Variants in FAXC observed in about 807,000 individuals in gnomAD.
FAXC encodes the protein failed axon connections homolog.
FAXC carries 10 observed loss-of-function variants against 41.9 expected under a neutral mutation model. The ratio of observed to expected loss-of-function variants is 0.24; its 90% CI spans 0.15 to 0.41. The LOEUF (loss-of-function observed/expected upper bound fraction) is 0.41. Among genes scored for constraint, FAXC ranks in the 10% least tolerant of loss-of-function variants. FAXC has a pLI of 1.00. For synonymous variants in FAXC, 183 were observed against 183.8 expected, an observed-to-expected ratio of 1.00 and a Z score of 0.03; for missense variants, 399 against 510.9, an observed-to-expected ratio of 0.78 and a Z score of 2.11.
chr6:99,340,855 G>C (rs933137998), intron 2 of FAXC, among the ~76,000 whole-genome samples: 1 of 151,930 alleles, frequency 6.6e-6, no homozygotes, highest in Non-Finnish European at 1.5e-5. Context: ...TTTTAATAGA[G>C]ATGGGGTTTC....
intron 5 of FAXC, among the ~76,000 whole-genome samples, chr6:99,284,417 G>C (rs1048520003): frequency 6.6e-6 from 1 of 152,132 alleles, no homozygotes; most frequent in Non-Finnish European, 1.5e-5. Flanking sequence ...ACAGAGAGTG[G>C]ACATCTATAG....
At chr6:99,314,689 T>G (rs1035389115) in intron 4 of FAXC, among the ~76,000 whole-genome samples, 5 of 152,220 alleles carry the variant, frequency 3.3e-5, no homozygotes, top group African/African-American at 1.2e-4. Flanking sequence ...GATTTATTTA[T>G]GTTACACATA....
rs1198684904 is a variant in FAXC at position 99,274,719 on chromosome 6, A to G, written c.*6445T>C. On this transcript the variant is annotated 3_prime_UTR_variant, in exon 6 of 6. Coordinates refer to ENST00000389677, the MANE Select transcript of FAXC (RefSeq NM_032511.4). ...AACATGTCACCCCTACTGAAGCAGA[A>G]GCCTTTAGCCTTATTTCTGTAAAAA... 6.6e-6 allele frequency: 1 copy of G among 152,242 alleles called. No homozygotes were observed. Among genetic ancestry groups the G allele is most frequent in the Non-Finnish European group, 1.5e-5 (1 of 68,038 alleles). The allele number at this position is 152,242 out of a possible 1,614,324, so 9.4% of individuals were successfully genotyped here. A position where few individuals can be genotyped will look rare whatever the true frequency, so the allele number is the denominator to read the frequency against.
At chr6:99,283,005 C>T (rs1582611870) in intron 5 of FAXC, among the ~76,000 whole-genome samples, 1 of 152,182 alleles carries the variant, frequency 6.6e-6, no homozygotes, top group Non-Finnish European at 1.5e-5. Context: ...GAATGTCACA[C>T]TCTGATCACA....
Position 99,277,196 on chromosome 6 carries a change from CA to C in FAXC, c.*3967del, listed in dbSNP as rs1235820618. 10 of 152,276 alleles carry C rather than the reference CA, an allele frequency of 6.6e-5. No individual in the cohort carries two copies. The highest frequency in any genetic ancestry group is 2.2e-4 in the African/African-American group (9 of 41,436). The allele number at this position is 152,276 out of a possible 1,614,324, so 9.4% of individuals were successfully genotyped here. A position where few individuals can be genotyped will look rare whatever the true frequency, so the allele number is the denominator to read the frequency against. On this transcript the variant is annotated 3_prime_UTR_variant, in exon 6 of 6. Coordinates refer to ENST00000389677, the MANE Select transcript of FAXC (RefSeq NM_032511.4). ...GGAGGAGCTATGGAGACAAGGTGAA[CA>C]AAGGTGAAAACACCAGACCCTAAGG...
rs1263577524 is a variant in FAXC at position 99,293,692 on chromosome 6, GTGTGTGTGTGTGTGTGTGTGTC to G, written c.824-1894_824-1873del. On this transcript the variant is annotated intron_variant, in intron 4 of 5. Transcript: ENST00000389677. ...TGTGTGTGTGTGTGTGTGTGTGTGT[GTGTGTGTGTGTGTGTGTGTGTC>G]TGTGTGTGTGTGTGTGTGTGTGCAT... 2.2e-4 allele frequency among the ~76,000 whole-genome samples: 30 copies of G among 138,966 alleles called. 1 individual carries two copies. The highest frequency in any genetic ancestry group is 8.0e-4 in the African/African-American group (30 of 37,716). The allele number at this position is 138,966 out of a possible 152,430, so 91.2% of individuals were successfully genotyped here. A position where few individuals can be genotyped will look rare whatever the true frequency, so the allele number is the denominator to read the frequency against.
intron 2 of FAXC, among the ~76,000 whole-genome samples, chr6:99,340,666 CTTTT>C (rs61071426): frequency 0.013 from 1,268 of 96,930 alleles, 24 homozygotes; most frequent in Admixed American, 0.06. Flanking sequence ...GCTAAAATTC[CTTTT>C]TTTTTTTTTT....
intron 2 of FAXC, among the ~76,000 whole-genome samples, chr6:99,341,125 TA>T (rs1356776524): frequency 6.6e-6 from 1 of 152,118 alleles, no homozygotes; most frequent in Non-Finnish European, 1.5e-5. Flanking sequence ...TTAATAAGCA[TA>T]AACACAAATT....
chr6:99,320,635 A>G (rs1049862748), intron 4 of FAXC, among the ~76,000 whole-genome samples: 1 of 152,166 alleles, frequency 6.6e-6, no homozygotes, highest in African/African-American at 2.4e-5. Context: ...CTGTATTATA[A>G]AGTATACATC....
chr6:99,293,665 AGTGTGTGTGTGT>A lies in FAXC; in HGVS notation c.824-1857_824-1846del, dbSNP rs55827992. The stretch of plus-strand genomic sequence containing the variant: ...ATTTTTCCCATAATGCTCTATACAC[AGTGTGTGTGTGT>A]GTGTGTGTGTGTGTGTGTGTGTGTG... On this transcript the variant is annotated intron_variant, in intron 4 of 5. Coordinates refer to ENST00000389677, the MANE Select transcript of FAXC (RefSeq NM_032511.4). Among the ~76,000 whole-genome samples the A allele has an allele frequency of 3.9e-3, 480 of 123,272 alleles. 2 individuals carry two copies. The highest frequency in any genetic ancestry group is 7.4e-3 in the East Asian group (34 of 4,610). 80.9% of individuals were successfully genotyped at this position (123,272 alleles called of 152,430 possible).
chr6:99,323,975 C>G (rs985095020), intron 3 of FAXC, among the ~76,000 whole-genome samples: 1 of 152,078 alleles, frequency 6.6e-6, no homozygotes, highest in Non-Finnish European at 1.5e-5. Flanking sequence ...CACAACCCCA[C>G]AGAAAACAAG....
At chr6:99,316,164 C>CA (rs1017766661) in intron 4 of FAXC, among the ~76,000 whole-genome samples, 1 of 151,676 alleles carries the variant, frequency 6.6e-6, no homozygotes, top group African/African-American at 2.4e-5. Context: ...CTCGCCCCCC[C>CA]CCACCCACAA....
At chr6:99,314,893 A>C (rs1772281581) in intron 4 of FAXC, among the ~76,000 whole-genome samples, 1 of 152,032 alleles carries the variant, frequency 6.6e-6, no homozygotes, top group African/African-American at 2.4e-5. Flanking sequence ...CCACACCTAC[A>C]TACATGCCTG....
At chr6:99,295,483 T>C (rs1582630497) in intron 4 of FAXC, among the ~76,000 whole-genome samples, 1 of 152,056 alleles carries the variant, frequency 6.6e-6, no homozygotes, top group Non-Finnish European at 1.5e-5. Context: ...AAGGCCTGAA[T>C]AGAACAAAAA....
In FAXC at chr6:99,279,768, G is replaced by A. The variant is rs1329378239; in HGVS notation, c.*1396C>T. On this transcript the variant is annotated 3_prime_UTR_variant, in exon 6 of 6. Transcript: ENST00000389677. ...GTTCATCGAATACTATAGGGAAAGA[G>A]AGAGAGAACGGGGATGAGACAGCAA... is the stretch of plus-strand genomic sequence containing the variant. 2 of 152,346 alleles carry A rather than the reference G, an allele frequency of 1.3e-5. No individual in the cohort carries two copies. The highest frequency in any genetic ancestry group is 4.8e-5 in the African/African-American group (2 of 41,566). The allele number at this position is 152,346 out of a possible 1,614,324, so 9.4% of individuals were successfully genotyped here. A position where few individuals can be genotyped will look rare whatever the true frequency, so the allele number is the denominator to read the frequency against.
At chr6:99,282,687 T>C (rs957535035) in intron 5 of FAXC, among the ~76,000 whole-genome samples, 4 of 152,214 alleles carry the variant, frequency 2.6e-5, no homozygotes, top group Non-Finnish European at 4.4e-5. Context: ...TATAAATATA[T>C]GATTTGCTAC....
intron 5 of FAXC, 125 bp from the exon 6 acceptor site, chr6:99,281,578 T>C: frequency 1.3e-6 from 1 of 795,604 alleles, no homozygotes; most frequent in South Asian, 1.7e-5. Flanking sequence ...TCTAAGGAGG[T>C]GGGGCCTTTA....
chr6:99,318,213 G>A (rs221529), intron 4 of FAXC, among the ~76,000 whole-genome samples: 7,479 of 147,716 alleles, frequency 0.051, 612 homozygotes, highest in African/African-American at 0.17. Context: ...GAGCCAAGAC[G>A]GCGCCACTGC....
intron 4 of FAXC, among the ~76,000 whole-genome samples, chr6:99,310,193 G>A (rs990920029): frequency 3.9e-5 from 6 of 152,206 alleles, no homozygotes; most frequent in African/African-American, 1.4e-4. Flanking sequence ...CATGCAGACA[G>A]ACCGAGCAAA....
Sources: allele counts gnomAD v4.1 joint callset (sites outside exome capture counted in the v4.1 genomes callset), GRCh38; gene constraint gnomAD v4.1.1; transcripts MANE v1.5; gene names NCBI Gene and HGNC (gene_info 2026-07-23, HGNC 2026-07-21).